The following PCDHGB7 variants were observed in gnomAD, a reference collection of about 807,000 sequenced individuals.
PCDHGB7 encodes protocadherin gamma subfamily B, 7.
Under a neutral mutation model 61.4 loss-of-function variants are expected in PCDHGB7, and 37 were observed. The ratio of observed to expected loss-of-function variants is 0.60; its 90% CI spans 0.46 to 0.79. PCDHGB7 has a LOEUF of 0.79. Among genes scored for constraint, PCDHGB7 ranks in the 30% least tolerant of loss-of-function variants. PCDHGB7 has a pLI of 0.00. For synonymous variants in PCDHGB7, 464 were observed against 503.5 expected, an observed-to-expected ratio of 0.92 and a Z score of 1.05; for missense variants, 1,166 against 1,202.5, an observed-to-expected ratio of 0.97 and a Z score of 0.45.
At chr5:141,453,420 C>A (rs2098764964) in intron 1 of PCDHGB7, among the ~76,000 whole-genome samples, 1 of 152,054 alleles carries the variant, frequency 6.6e-6, no homozygotes, top group African/African-American at 2.4e-5. Context: ...GCATAAGCCA[C>A]CACACCTAGC....
Position 141,489,493 on chromosome 5 carries a change from G to A in PCDHGB7, c.2416-5314G>A, listed in dbSNP as rs1485293604. ...CCTGAGCTTGATGAGTGGTGCCCTG[G>A]CAGTGAATCAAAAGATTGACCGAGA... On this transcript the variant is annotated intron_variant, in intron 1 of 3. Coordinates refer to ENST00000398594, the MANE Select transcript of PCDHGB7 (RefSeq NM_018927.4). The surrounding 1 kb of genome is among the most constrained non-coding windows in gnomAD (Gnocchi z 4.5). The A allele has an allele frequency of 1.2e-6, 2 of 1,613,960 alleles. No homozygotes were observed. Among genetic ancestry groups the A allele is most frequent in the Non-Finnish European group, 1.7e-6 (2 of 1,180,038 alleles).
Position 141,476,441 on chromosome 5 carries a change from GAGTTGGT to G in PCDHGB7, c.2416-18362_2416-18356del. 3 of 1,614,160 alleles carry G rather than the reference GAGTTGGT, an allele frequency of 1.9e-6. No homozygotes were observed. The South Asian group carries it at 3.3e-5, about 18-fold the overall frequency. ...ACTGCCCTCTTGCACTGTAACTCTG[GAGTTGGT>G]AGTGGAGAACCCGCTGGAGCTGTTC... On this transcript the variant is annotated intron_variant, in intron 1 of 3. Transcript: ENST00000398594. The surrounding 1 kb of genome is among the most constrained non-coding windows in gnomAD (Gnocchi z 7.6).
chr5:141,482,661 T>A (rs1215403061), intron 1 of PCDHGB7, among the ~76,000 whole-genome samples: 2 of 151,742 alleles, frequency 1.3e-5, no homozygotes, highest in African/African-American at 4.9e-5. Flanking sequence ...TGAGCTATGA[T>A]CTAAAGGTTG....
intron 1 of PCDHGB7, chr5:141,423,848 G>A: frequency 1.6e-6 from 2 of 1,277,462 alleles, no homozygotes; most frequent in Non-Finnish European, 2.0e-6. Flanking sequence ...TAATCTTTCA[G>A]AACGTTTTTG....
At chr5:141,483,797 G>GCTGCTTTT (rs1255394691) in intron 1 of PCDHGB7, among the ~76,000 whole-genome samples, 3 of 152,174 alleles carry the variant, frequency 2.0e-5, no homozygotes, top group Non-Finnish European at 4.4e-5. Context: ...TCCAGTTGTT[G>GCTGCTTTT]CTGCTTTTTT....
At chr5:141,500,455 C>T (rs1254764658) in intron 2 of PCDHGB7, among the ~76,000 whole-genome samples, 4 of 151,986 alleles carry the variant, frequency 2.6e-5, no homozygotes, top group Non-Finnish European at 5.9e-5. Context: ...GTGATCCGCC[C>T]GCCTCGGCCT....
chr5:141,433,286 T>C (rs2097581877), intron 1 of PCDHGB7: 2 of 1,143,608 alleles, frequency 1.7e-6, no homozygotes, highest in African/African-American at 1.6e-5. Flanking sequence ...CTCAAACTCC[T>C]AGGCTCAAGC....
chr5:141,453,205 G>A lies in PCDHGB7; in HGVS notation c.2415+32931G>A, dbSNP rs570291941. On this transcript the variant is annotated intron_variant, in intron 1 of 3. Coordinates refer to ENST00000398594, the MANE Select transcript of PCDHGB7 (RefSeq NM_018927.4). ...CACAGCTCACTGCAGCCTCAACCTC[G>A]TGCACTTAAGCGATCCTCCCACCTC... Among the ~76,000 whole-genome samples the A allele has an allele frequency of 1.1e-4, 17 of 151,990 alleles. No individual in the cohort carries two copies. In the East Asian group the frequency reaches 2.5e-3, roughly 22 times the overall value.
At chr5:141,429,912 A>G (rs1341795921) in intron 1 of PCDHGB7, among the ~76,000 whole-genome samples, 2 of 152,234 alleles carry the variant, frequency 1.3e-5, no homozygotes, top group Admixed American at 1.3e-4. Flanking sequence ...TTGAAATATA[A>G]TGTATTAATA....
intron 2 of PCDHGB7, among the ~76,000 whole-genome samples, chr5:141,503,598 CAA>C (rs765754054): frequency 2.7e-4 from 18 of 65,718 alleles, no homozygotes; most frequent in Admixed American, 6.9e-4. Flanking sequence ...GACTCCAGCT[CAA>C]AAAAAAAAAA....
intron 1 of PCDHGB7, chr5:141,423,279 C>T: frequency 1.9e-6 from 3 of 1,614,032 alleles, no homozygotes; most frequent in Non-Finnish European, 2.5e-6. Flanking sequence ...CTCTGGCTAA[C>T]TCTGAAACCT....
chr5:141,461,510 G>T (rs2099016853), intron 1 of PCDHGB7, among the ~76,000 whole-genome samples: 1 of 152,014 alleles, frequency 6.6e-6, no homozygotes, highest in Non-Finnish European at 1.5e-5. Context: ...TTGGTGATTT[G>T]TTAGTTCCTT....
At position 141,422,030 on chromosome 5, in the gene PCDHGB7, C is replaced by T. The variant is rs1404612424; in HGVS notation, c.2415+1756C>T. ...ACTCGGGTGCTGATGGTTAATGCAA[C>T]GGATCCAGACGAGGGAATCAACGGG... On this transcript the variant is annotated intron_variant, in intron 1 of 3. Coordinates refer to ENST00000398594, the MANE Select transcript of PCDHGB7 (RefSeq NM_018927.4). 3 of 1,609,592 alleles carry T rather than the reference C, an allele frequency of 1.9e-6. No homozygotes were observed. The South Asian group carries it at 3.3e-5, about 18-fold the overall frequency.
chr5:141,464,896 G>C (rs1166142533), intron 1 of PCDHGB7, among the ~76,000 whole-genome samples: 2 of 151,554 alleles, frequency 1.3e-5, no homozygotes, highest in African/African-American at 4.8e-5. Context: ...ATGCCACCAT[G>C]TCCAGCTAAT....
chr5:141,436,095 GA>G (rs2097795730), intron 1 of PCDHGB7, among the ~76,000 whole-genome samples: 2 of 152,112 alleles, frequency 1.3e-5, no homozygotes, highest in Non-Finnish European at 2.9e-5. Context: ...AATATTGAGA[GA>G]AATAGAGGAC....
At chr5:141,492,448 G>T (rs2734874) in intron 1 of PCDHGB7, among the ~76,000 whole-genome samples, 50 of 152,334 alleles carry the variant, frequency 3.3e-4, no homozygotes, top group African/African-American at 1.2e-3. Context: ...GTAGCTGATT[G>T]TGCGCGCCTG....
chr5:141,506,177 G>A (rs1024892091), intron 3 of PCDHGB7, among the ~76,000 whole-genome samples: 16 of 152,142 alleles, frequency 1.1e-4, no homozygotes, highest in Admixed American at 4.6e-4. Flanking sequence ...TAAGCTGGGC[G>A]TGGTGGCTCA....
intron 2 of PCDHGB7, among the ~76,000 whole-genome samples, chr5:141,504,288 G>GT (rs1175142876): frequency 6.6e-6 from 1 of 152,124 alleles, no homozygotes; most frequent in African/African-American, 2.4e-5. Context: ...ATCATTTCAT[G>GT]TTTTTTCAAC....
At chr5:141,473,168 A>G (rs1026233643) in intron 1 of PCDHGB7, among the ~76,000 whole-genome samples, 2 of 152,218 alleles carry the variant, frequency 1.3e-5, no homozygotes, top group Admixed American at 1.3e-4. Context: ...AGGAAGGCCC[A>G]CTGGTAACTT....
Sources: allele counts gnomAD v4.1 joint callset (sites outside exome capture counted in the v4.1 genomes callset), GRCh38; gene constraint gnomAD v4.1.1; non-coding constraint Gnocchi (gnomAD v3.1); transcripts MANE v1.5; gene names NCBI Gene and HGNC (gene_info 2026-07-23, HGNC 2026-07-21).